Variants in TRIM25 observed in about 807,000 individuals in gnomAD.
TRIM25 encodes the protein tripartite motif containing 25.
Under a neutral mutation model 65.2 loss-of-function variants are expected in TRIM25, and 45 were observed. The ratio of observed to expected loss-of-function variants is 0.69; its 90% CI spans 0.54 to 0.89. The LOEUF (loss-of-function observed/expected upper bound fraction) is 0.89. Ranked by LOEUF, TRIM25 falls within the 40% of genes least tolerant of loss-of-function variation. TRIM25 has a pLI of 0.00. For synonymous variants in TRIM25, 321 were observed against 340.4 expected (o/e 0.94, Z 0.63); for missense variants, 714 against 803.7 (o/e 0.89, Z 1.35).
intron 8 of TRIM25, among the ~76,000 whole-genome samples, chr17:56,895,045 C>T (rs549514602): frequency 1.6e-4 from 24 of 152,330 alleles, no homozygotes; most frequent in African/African-American, 5.8e-4. Context: ...TGACCGCAAT[C>T]GCCCTGCCTT....
rs1598081553 is a variant in TRIM25, at chr17:56,913,536, G to T, written c.453C>A (p.Asp151Glu). The change falls in exon 1 of 9, where the codon GAC (aspartate) becomes GAA (glutamate). Residue 151 changes from aspartate to glutamate, a missense_variant. Around this residue, in one of 3 missense-constraint regions of TRIM25, gnomAD observed 291 missense variants for 281.8 expected, o/e 1.03. Transcript: ENST00000316881. This position sits in a 1 kb window ranked among gnomAD's most constrained non-coding sequence, Gnocchi z 6.1. ...QDHPLQPPVR[D>E]LLRRKCSQHN... ...GCTGGGAACATTTGCGGCGCAACAG[G>T]TCGCGAACGGGCGGCTGCAGCGGGT... is the stretch of plus-strand genomic sequence containing the variant. 2 of 1,613,676 alleles carry T rather than the reference G, an allele frequency of 1.2e-6. No individual in the cohort carries two copies. The highest frequency in any genetic ancestry group is 2.7e-5 in the African/African-American group (2 of 74,936).
At chr17:56,901,703 AT>A in intron 3 of TRIM25, 125 bp from the exon 4 acceptor site, 2 of 1,228,102 alleles carry the variant, frequency 1.6e-6, no homozygotes, top group Non-Finnish European at 2.3e-6. Context: ...GCCTTCTCAA[AT>A]TACAGGCCAG....
chr17:56,911,494 C>T (rs60165040), intron 1 of TRIM25, among the ~76,000 whole-genome samples: 8,099 of 151,386 alleles, frequency 0.053, 717 homozygotes, highest in African/African-American at 0.19. Flanking sequence ...GCAGGAGAAT[C>T]GCTTGAACTC....
At position 56,913,977 on chromosome 17, in the gene TRIM25, C is replaced by T. The variant is rs1266823876; in HGVS notation, c.12G>A (p.Leu4=). ...ACGACAGCTCCTCGGCCAGGGGGCA[C>T]AGCTCTGCCATGGCGCTCCCAGGGG... MAE[L]CPLAEELSCS... Residue 4 remains leucine, a synonymous_variant, in exon 1 of 9, where the codon CTG becomes CTA. Coordinates refer to ENST00000316881, the MANE Select transcript of TRIM25 (RefSeq NM_005082.5). The surrounding 1 kb of genome is among the most constrained non-coding windows in gnomAD (Gnocchi z 6.1). 2 of 1,560,670 alleles carry T rather than the reference C, an allele frequency of 1.3e-6. No individual in the cohort carries two copies. The highest frequency in any genetic ancestry group is 3.7e-5 in the Admixed American group (2 of 53,946).
Position 56,901,591 on chromosome 17 carries a change from AG to A in TRIM25, c.928-14del. The stretch of plus-strand genomic sequence containing the variant: ...GTTTTGATGCTTTCTGGAACATGCC[AG>A]GGGGTTAGTGCAGGCAGCTCTGGTG... On this transcript the variant is annotated splice_polypyrimidine_tract_variant and intron_variant, in intron 3 of 8. Transcript: ENST00000316881. 1 of 1,613,932 alleles carries A rather than the reference AG, an allele frequency of 6.2e-7. No individual in the cohort carries two copies. Among genetic ancestry groups the A allele is most frequent in the Non-Finnish European group, 8.5e-7 (1 of 1,179,916 alleles).
chr17:56,892,002 C>G lies in TRIM25; in HGVS notation c.1591G>C (p.Gly531Arg), dbSNP rs749116784. Reference sequence around the variant, plus strand: ...TCTGGGCCCTGCCGGTTCATGCTTCCGTAGCAGATGCCTACCCCACAGAAG... The same window carrying G: ...TCTGGGCCCTGCCGGTTCATGCTTCGGTAGCAGATGCCTACCCCACAGAAG... The part of the protein sequence containing the change: ...NNFCGVGICY[G>R]SMNRQGPESR... Residue 531 changes from glycine (G) to arginine (R), a missense_variant, in exon 9 of 9, where the codon GGA becomes CGA. Coordinates refer to ENST00000316881, the MANE Select transcript of TRIM25 (RefSeq NM_005082.5). 1.2e-6 allele frequency: 2 copies of G among 1,614,050 alleles called. No homozygotes were observed. The highest frequency in any genetic ancestry group is 2.7e-5 in the African/African-American group (2 of 74,926).
chr17:56,912,327 G>A (rs1869582113), intron 1 of TRIM25, among the ~76,000 whole-genome samples: 1 of 152,228 alleles, frequency 6.6e-6, no homozygotes, highest in African/African-American at 2.4e-5. Flanking sequence ...AATCCACCTA[G>A]TCCCACAGCC....
At chr17:56,911,324 G>A (rs889434313) in intron 1 of TRIM25, among the ~76,000 whole-genome samples, 11 of 152,066 alleles carry the variant, frequency 7.2e-5, no homozygotes, top group Admixed American at 1.3e-4. Context: ...GCTCACGCTT[G>A]TAATCCCAGC....
intron 3 of TRIM25, among the ~76,000 whole-genome samples, chr17:56,903,731 A>T (rs1490663018): frequency 2.6e-5 from 4 of 152,186 alleles, no homozygotes; most frequent in African/African-American, 9.7e-5. Context: ...TGAGTTCATC[A>T]AAGGGCAATT....
At chr17:56,904,795 T>C (rs1909488215) in intron 2 of TRIM25, among the ~76,000 whole-genome samples, 1 of 152,118 alleles carries the variant, frequency 6.6e-6, no homozygotes, top group South Asian at 2.1e-4. Flanking sequence ...AACCTGAACA[T>C]CCATCAGAAG....
chr17:56,889,497 T>G lies in TRIM25; in HGVS notation c.*2203A>C, dbSNP rs1374778389. 1 of 355,852 alleles carries G rather than the reference T, an allele frequency of 2.8e-6. No individual in the cohort carries two copies. The highest frequency in any genetic ancestry group is 1.5e-4 in the South Asian group (1 of 6,666). 22.0% of individuals were successfully genotyped at this position (355,852 alleles called of 1,614,324 possible). A position where few individuals can be genotyped will look rare whatever the true frequency, so the allele number is the denominator to read the frequency against. ...CCCTGCAAGGCTAGGTTATGTAAGG[T>G]CTCACCATTGCAAACAGAATGGTTC... On this transcript the variant is annotated 3_prime_UTR_variant, in exon 9 of 9. Transcript: ENST00000316881.
Position 56,913,948 on chromosome 17 carries a change from G to A in TRIM25, c.41C>T (p.Ser14Phe), listed in dbSNP as rs747405494. ...CTCCTTGAAGGGCTCCAGGCAGATG[G>A]AGCACGACAGCTCCTCGGCCAGGGG... ...LCPLAEELSC[S>F]ICLEPFKEPV... Residue 14 changes from serine to phenylalanine, a missense_variant, in exon 1 of 9, where the codon TCC becomes TTC. By Grantham distance (155) the Ser-to-Phe change is radical. This residue lies in a region of TRIM25 where 291 missense variants were observed against 281.8 expected (regional missense o/e 1.03). Coordinates refer to ENST00000316881, the MANE Select transcript of TRIM25 (RefSeq NM_005082.5). The surrounding 1 kb of genome is among the most constrained non-coding windows in gnomAD (Gnocchi z 6.1). The A allele has an allele frequency of 3.2e-6, 5 of 1,584,458 alleles. No individual in the cohort carries two copies. The highest frequency in any genetic ancestry group is 1.3e-5 in the African/African-American group (1 of 74,280).
Position 56,908,539 on chromosome 17 carries a change from C to T in TRIM25, c.622G>A (p.Val208Ile). ...LEATLRHKLT[V>I]MYSQINGASR... ...GCCCCGTTGATCTGACTGTACATGA[C>T]AGTTAGTTTGTGCCTCAGGGTGGCC... The change falls in exon 2 of 9, where the codon GTC (valine) becomes ATC (isoleucine). Residue 208 changes from valine to isoleucine, a missense_variant. Physicochemically the swap from Val to Ile is conservative, Grantham distance 29. This residue lies in a region of TRIM25 where 291 missense variants were observed against 281.8 expected (regional missense o/e 1.03). Coordinates refer to ENST00000316881, the MANE Select transcript of TRIM25 (RefSeq NM_005082.5). 5.0e-6 allele frequency: 8 copies of T among 1,614,002 alleles called. No homozygotes were observed. The highest frequency in any genetic ancestry group is 6.8e-6 in the Non-Finnish European group (8 of 1,180,034).
intron 5 of TRIM25, among the ~76,000 whole-genome samples, chr17:56,897,817 C>G (rs115156378): frequency 6.6e-6 from 1 of 152,250 alleles, no homozygotes; most frequent in African/African-American, 2.4e-5. Context: ...TCAACAGTAC[C>G]TTTCCACTTC....
At chr17:56,900,003 C>T (rs746670446) in intron 4 of TRIM25, among the ~76,000 whole-genome samples, 1 of 152,072 alleles carries the variant, frequency 6.6e-6, no homozygotes, top group Non-Finnish European at 1.5e-5. Context: ...TACTTGAGGT[C>T]GAGAGTTCAA....
At position 56,913,524 on chromosome 17, in the gene TRIM25, G is replaced by A; in HGVS notation, c.465C>T (p.Arg155=). The part of the protein sequence containing the change: ...LQPPVRDLLR[R]KCSQHNRLRE... The stretch of plus-strand genomic sequence containing the variant: ...GCAGCCGATTGTGCTGGGAACATTT[G>A]CGGCGCAACAGGTCGCGAACGGGCG... Residue 155 remains arginine, a synonymous_variant, in exon 1 of 9, where the codon CGC becomes CGT. Transcript: ENST00000316881. The surrounding 1 kb of genome is among the most constrained non-coding windows in gnomAD (Gnocchi z 6.1). 1 of 1,613,854 alleles carries A rather than the reference G, an allele frequency of 6.2e-7. No homozygotes were observed. Among genetic ancestry groups the A allele is most frequent in the South Asian group, 1.1e-5 (1 of 91,048 alleles).
rs538625111 is a variant in TRIM25, at chr17:56,903,126, C to T, written c.927+1129G>A. Reference sequence around the variant, plus strand: ...TTATAAATTACTCAGTCTGGTTGGGCGCAGTGGCTCACACCTGTAATCTCA... The same window carrying T: ...TTATAAATTACTCAGTCTGGTTGGGTGCAGTGGCTCACACCTGTAATCTCA... On this transcript the variant is annotated intron_variant, in intron 3 of 8. Transcript: ENST00000316881. 1.3e-3 allele frequency among the ~76,000 whole-genome samples: 204 copies of T among 152,310 alleles called. 1 individual carries two copies. Among genetic ancestry groups the T allele is most frequent in the African/African-American group, 4.5e-3 (185 of 41,562 alleles).
In TRIM25 at chr17:56,895,908, C is replaced by G. The variant is rs1022766269; in HGVS notation, c.1180+18G>C. On this transcript the variant is annotated intron_variant, in intron 6 of 8. Transcript: ENST00000316881. ...GGCAGTCTCAAGAAACGAACAGTTG[C>G]AGAAATGCATAACTTACGAGGTTTC... 1 of 1,609,974 alleles carries G rather than the reference C, an allele frequency of 6.2e-7. No individual in the cohort carries two copies. The highest frequency in any genetic ancestry group is 8.5e-7 in the Non-Finnish European group (1 of 1,179,014).
intron 8 of TRIM25, 35 bp downstream of exon 8, chr17:56,895,308 C>A (rs572199686): frequency 1.9e-6 from 3 of 1,562,952 alleles, no homozygotes; most frequent in South Asian, 2.2e-5. Context: ...GAGACAGAAC[C>A]AGTGGAACCG....
Sources: gnomAD v4.1 joint callset for allele counts (sites outside exome capture counted in the v4.1 genomes callset) on GRCh38, gnomAD v4.1.1 for gene constraint, gnomAD v4.1.1 regional missense constraint, Gnocchi (gnomAD v3.1) non-coding constraint, MANE v1.5 for transcripts, NCBI Gene and HGNC (gene_info 2026-07-23, HGNC 2026-07-21) for gene names.